Variants in NCOA1 observed in about 807,000 individuals in gnomAD.
NCOA1 encodes nuclear receptor coactivator 1.
Under a neutral mutation model 150.9 loss-of-function variants are expected in NCOA1, and 35 were observed. That is an observed-to-expected ratio of 0.23 (90% CI 0.18 to 0.31). The LOEUF (loss-of-function observed/expected upper bound fraction) is 0.31. Ranked by LOEUF, NCOA1 falls within the 10% of genes least tolerant of loss-of-function variation. The pLI is 1.00. For synonymous variants in NCOA1, 590 were observed against 630.0 expected (o/e 0.94, Z 0.95); for missense variants, 1,491 against 1,749.3 (o/e 0.85, Z 2.63).
chr2:24,696,469 C>G (rs923549424), intron 10 of NCOA1, among the ~76,000 whole-genome samples: 6 of 152,100 alleles, frequency 3.9e-5, no homozygotes. Context: ...AATTTGAAAA[C>G]ATAAAGAAGC....
intron 1 of NCOA1, among the ~76,000 whole-genome samples, chr2:24,492,466 C>A (rs77782776): frequency 6.6e-6 from 1 of 152,130 alleles, no homozygotes; most frequent in East Asian, 1.9e-4. Context: ...CATGGGTAGA[C>A]ACTGCCCAGT....
chr2:24,591,299 C>T (rs1042772416), intron 3 of NCOA1, among the ~76,000 whole-genome samples: 6 of 152,072 alleles, frequency 3.9e-5, no homozygotes, highest in African/African-American at 1.4e-4. Context: ...ATGTGGTAAG[C>T]AGTATATATG....
intron 3 of NCOA1, among the ~76,000 whole-genome samples, chr2:24,624,953 T>C (rs996543242): frequency 1.3e-5 from 2 of 152,154 alleles, no homozygotes; most frequent in African/African-American, 4.8e-5. Context: ...CGGGAGCTAC[T>C]GGACTCAGCT....
chr2:24,739,508 G>A lies in NCOA1; in HGVS notation c.3278G>A (p.Gly1093Asp). ...TAPVGINMRS[G>D]MQQQITPQPP... Reference sequence around the variant, plus strand: ...CCTGTTGGCATCAATATGAGATCAGGCATGCAACAGCAAATTACACCTCAG... The same window carrying A: ...CCTGTTGGCATCAATATGAGATCAGACATGCAACAGCAAATTACACCTCAG... The change falls in exon 18 of 23, where the codon GGC becomes GAC. Residue 1093 changes from glycine (G) to aspartate (D), a missense_variant. Physicochemically the swap from Gly to Asp is moderately conservative, Grantham distance 94. This residue lies in a region of NCOA1 where 485 missense variants were observed against 522.8 expected (regional missense o/e 0.93). Transcript: ENST00000348332. 6.2e-7 allele frequency: 1 copy of A among 1,613,722 alleles called. No individual in the cohort carries two copies. Among genetic ancestry groups the A allele is most frequent in the South Asian group, 1.1e-5 (1 of 91,064 alleles).
chr2:24,491,532 G>GGCGCCGGGCCCGAGGAGC lies in NCOA1; in HGVS notation c.-465_-464insCGCCGGGCCCGAGGAGCG, dbSNP rs1558737041. Reference sequence around the variant, plus strand: ...CGGGCCCGAGGAGCGGCGGAGGCCGGGGCGGCGCCGCCGCCACGGTCGCGG... The same window carrying GGCGCCGGGCCCGAGGAGC: ...CGGGCCCGAGGAGCGGCGGAGGCCGGGCGCCGGGCCCGAGGAGCGGCGGCGCCGCCGCCACGGTCGCGG... On this transcript the variant is annotated 5_prime_UTR_variant, in exon 1 of 23. Coordinates refer to ENST00000348332, the MANE Select transcript of NCOA1 (RefSeq NM_003743.5). 6.8e-6 allele frequency among the ~76,000 whole-genome samples: 1 copy of GGCGCCGGGCCCGAGGAGC among 147,408 alleles called. No homozygotes were observed. Among genetic ancestry groups the GGCGCCGGGCCCGAGGAGC allele is most frequent in the African/African-American group, 2.4e-5 (1 of 40,886 alleles).
At chr2:24,663,270 G>GT (rs922067367) in intron 5 of NCOA1, among the ~76,000 whole-genome samples, 5 of 152,006 alleles carry the variant, frequency 3.3e-5, no homozygotes, top group East Asian at 1.9e-4. Context: ...TGAAAAAGCT[G>GT]TTTTTTTCTT....
rs1331588468 is a variant in NCOA1, at chr2:24,751,396, A to G, written c.3707-586A>G. Among the ~76,000 whole-genome samples the G allele has an allele frequency of 2.0e-5, 3 of 151,896 alleles. 1 individual carries two copies. In the East Asian group the frequency reaches 5.9e-4, roughly 30 times the overall value. Reference sequence around the variant, plus strand: ...TCAGGAGTTCGAGACCACCCTGGCCAACATGGTGAAACCCCGTCTCCTCTA... The same window carrying G: ...TCAGGAGTTCGAGACCACCCTGGCCGACATGGTGAAACCCCGTCTCCTCTA... On this transcript the variant is annotated intron_variant, in intron 19 of 22. Transcript: ENST00000348332.
intron 14 of NCOA1, among the ~76,000 whole-genome samples, chr2:24,711,872 G>A (rs1281648605): frequency 4.6e-5 from 7 of 152,134 alleles, no homozygotes; most frequent in African/African-American, 1.7e-4. Context: ...TGAAACTAAA[G>A]GAAACTAATC....
intron 7 of NCOA1, among the ~76,000 whole-genome samples, chr2:24,675,430 T>C (rs1229283517): frequency 6.6e-6 from 1 of 152,234 alleles, no homozygotes; most frequent in Non-Finnish European, 1.5e-5. Flanking sequence ...GTACTCCTGC[T>C]ATGTTTAGCT....
chr2:24,642,052 G>A (rs554997904), intron 3 of NCOA1, among the ~76,000 whole-genome samples: 1 of 151,328 alleles, frequency 6.6e-6, no homozygotes, highest in Admixed American at 6.6e-5. Context: ...GCGTGCGTAT[G>A]TGTGTGTGTA....
At chr2:24,649,727 T>A (rs1670628921) in intron 4 of NCOA1, among the ~76,000 whole-genome samples, 1 of 152,186 alleles carries the variant, frequency 6.6e-6, no homozygotes, top group African/African-American at 2.4e-5. Flanking sequence ...CCTTTTTCTA[T>A]GTATTTGTTA....
chr2:24,594,719 C>T (rs1475944049), intron 3 of NCOA1, among the ~76,000 whole-genome samples: 1 of 152,084 alleles, frequency 6.6e-6, no homozygotes, highest in Non-Finnish European at 1.5e-5. Context: ...TCTCAGCTTT[C>T]TTTCCTGATA....
intron 1 of NCOA1, among the ~76,000 whole-genome samples, chr2:24,549,580 C>T (rs563078496): frequency 6.6e-6 from 1 of 152,012 alleles, no homozygotes; most frequent in Non-Finnish European, 1.5e-5. Flanking sequence ...TTTCCCTTTT[C>T]TTTTAAGACA....
chr2:24,577,354 A>G (rs917882922), intron 2 of NCOA1, among the ~76,000 whole-genome samples: 1 of 152,234 alleles, frequency 6.6e-6, no homozygotes, highest in Non-Finnish European at 1.5e-5. Flanking sequence ...TCATGAAAAA[A>G]GAAACATTAA....
Position 24,691,291 on chromosome 2 carries a change from G to A in NCOA1, c.533-190G>A, listed in dbSNP as rs921030086. On this transcript the variant is annotated intron_variant, in intron 8 of 22. Transcript: ENST00000348332. ...TGGAAATGTTACAGTTTTCTAATTG[G>A]TAGACATTTAGATTTGCTAGGGAGA... is the stretch of plus-strand genomic sequence containing the variant. Among the ~76,000 whole-genome samples, 92 of 152,174 alleles carry A rather than the reference G, an allele frequency of 6.0e-4. 1 individual carries two copies. Among genetic ancestry groups the A allele is most frequent in the African/African-American group, 2.2e-3 (92 of 41,438 alleles).
chr2:24,683,980 A>G (rs982730944), intron 8 of NCOA1, among the ~76,000 whole-genome samples: 20 of 152,242 alleles, frequency 1.3e-4, no homozygotes, highest in Non-Finnish European at 2.5e-4. Context: ...TTTAAAATGC[A>G]GATAAATTTA....
intron 3 of NCOA1, among the ~76,000 whole-genome samples, chr2:24,640,373 T>TTTTG (rs1196372014): frequency 1.3e-5 from 2 of 152,230 alleles, no homozygotes; most frequent in Non-Finnish European, 2.9e-5. Flanking sequence ...GTTTCCTTAC[T>TTTTG]GGTTTTTAAA....
chr2:24,635,568 T>G (rs1669905647), intron 3 of NCOA1, among the ~76,000 whole-genome samples: 1 of 152,174 alleles, frequency 6.6e-6, no homozygotes, highest in South Asian at 2.1e-4. Context: ...ACACAAATGA[T>G]TTTTGGGAGT....
intron 1 of NCOA1, among the ~76,000 whole-genome samples, chr2:24,525,251 G>A (rs1467438250): frequency 6.6e-6 from 1 of 152,170 alleles, no homozygotes; most frequent in Admixed American, 6.5e-5. Flanking sequence ...CTTCAGTGGA[G>A]TCTCATTTTC....
Sources: gnomAD v4.1 joint callset for allele counts (sites outside exome capture counted in the v4.1 genomes callset) on GRCh38, gnomAD v4.1.1 for gene constraint, gnomAD v4.1.1 regional missense constraint, MANE v1.5 for transcripts, NCBI Gene and HGNC (gene_info 2026-07-23, HGNC 2026-07-21) for gene names.